Variants in GRIK1 observed in about 807,000 individuals in gnomAD.
GRIK1 encodes the protein glutamate ionotropic receptor kainate type subunit 1.
In GRIK1, 69 loss-of-function variants were observed where a neutral mutation model predicts 105.7. The observed-to-expected ratio is 0.65, with a 90% CI of 0.54 to 0.80. The LOEUF (loss-of-function observed/expected upper bound fraction) is 0.80. Among genes scored for constraint, GRIK1 ranks in the 30% least tolerant of loss-of-function variants. The probability of loss-of-function intolerance (pLI) is 0.00; values close to 1 mark genes in which losing one functional copy is unlikely to be tolerated. For synonymous variants in GRIK1, 438 were observed against 431.3 expected, an observed-to-expected ratio of 1.02 and a Z score of -0.19; for missense variants, 1,109 against 1,167.3, an observed-to-expected ratio of 0.95 and a Z score of 0.73.
In GRIK1 at chr21:29,702,234, A is replaced by C. The variant is rs114146814; in HGVS notation, c.119-8171T>G. ...TGGGTGATGAAATTATCTGCACAGC[A>C]ACCCACCATGACACATATTTACCTA... is the stretch of plus-strand genomic sequence containing the variant. On this transcript the variant is annotated intron_variant, in intron 1 of 17. Transcript: ENST00000327783. Among the ~76,000 whole-genome samples the C allele has an allele frequency of 6.5e-3, 986 of 152,326 alleles. 11 individuals are homozygous for C. The highest frequency in any genetic ancestry group is 0.023 in the African/African-American group (940 of 41,566).
At chr21:29,712,127 T>C (rs1028352224) in intron 1 of GRIK1, among the ~76,000 whole-genome samples, 109 of 70,518 alleles carry the variant, frequency 1.5e-3, no homozygotes, top group Middle Eastern at 8.3e-3. Context: ...CACACACATA[T>C]ATATAGGTCC....
At chr21:29,599,756 C>T (rs1362743246) in intron 7 of GRIK1, among the ~76,000 whole-genome samples, 1 of 152,180 alleles carries the variant, frequency 6.6e-6, no homozygotes, top group Non-Finnish European at 1.5e-5. Context: ...TTCCACTGCG[C>T]TCCAGGAGCC....
intron 4 of GRIK1, among the ~76,000 whole-genome samples, chr21:29,656,369 A>AAAAAAG: frequency 1.0e-5 from 1 of 97,442 alleles, no homozygotes; most frequent in African/African-American, 5.2e-5. Flanking sequence ...AAAAAAAAAA[A>AAAAAAG]AAAAAAAAAA....
intron 7 of GRIK1, among the ~76,000 whole-genome samples, chr21:29,638,136 T>TG (rs1327317977): frequency 6.6e-6 from 1 of 151,760 alleles, no homozygotes; most frequent in East Asian, 1.9e-4. Flanking sequence ...TCCTGACCAC[T>TG]ACCTTACATG....
intron 1 of GRIK1, among the ~76,000 whole-genome samples, chr21:29,712,081 C>CATAT (rs201419231): frequency 3.4e-4 from 40 of 116,922 alleles, no homozygotes; most frequent in African/African-American, 1.4e-3. Flanking sequence ...TGTATACATA[C>CATAT]ATACACACAC....
At chr21:29,937,795 A>ATT (rs1014737029) in intron 1 of GRIK1, among the ~76,000 whole-genome samples, 1 of 63,188 alleles carries the variant, frequency 1.6e-5, no homozygotes, top group Non-Finnish European at 4.2e-5. Context: ...ATTGTTCAGA[A>ATT]TATTTTTTTT....
At position 29,560,400 on chromosome 21, in the gene GRIK1, C is replaced by CTTTCTTT. The variant is rs1601112863; in HGVS notation, c.2356+1223_2356+1224insAAAGAAA. Among the ~76,000 whole-genome samples, 101 of 67,114 alleles carry CTTTCTTT rather than the reference C, an allele frequency of 1.5e-3. 16 individuals carry two copies. The highest frequency in any genetic ancestry group is 6.9e-3 in the East Asian group (16 of 2,328). The allele number at this position is 67,114 out of a possible 152,430, so 44.0% of individuals were successfully genotyped here. A position where few individuals can be genotyped will look rare whatever the true frequency, so the allele number is the denominator to read the frequency against. On this transcript the variant is annotated intron_variant, in intron 15 of 17. Transcript: ENST00000327783. ...TCCTTCCTTCCTTCCTTCCTTCCTT[C>CTTTCTTT]CTTTCTTTCTTTCTTTCTTTCTTTC... is the stretch of plus-strand genomic sequence containing the variant.
chr21:29,604,191 G>C (rs1207602364), intron 7 of GRIK1, among the ~76,000 whole-genome samples: 1 of 152,174 alleles, frequency 6.6e-6, no homozygotes, highest in Non-Finnish European at 1.5e-5. Context: ...CACGGCTGCA[G>C]AGTAATTCCC....
intron 1 of GRIK1, among the ~76,000 whole-genome samples, chr21:29,799,297 C>A (rs1185739030): frequency 2.6e-5 from 4 of 152,126 alleles, no homozygotes; most frequent in Non-Finnish European, 5.9e-5. Flanking sequence ...GGACACTTAC[C>A]ATATGTAAAA....
At chr21:29,872,481 C>G (rs1430775209) in intron 1 of GRIK1, among the ~76,000 whole-genome samples, 2 of 152,286 alleles carry the variant, frequency 1.3e-5, no homozygotes, top group Non-Finnish European at 2.9e-5. Flanking sequence ...GCAAATTATA[C>G]AGCATCTCTT....
chr21:29,887,419 A>G (rs1016723841), intron 1 of GRIK1, among the ~76,000 whole-genome samples: 1 of 152,050 alleles, frequency 6.6e-6, no homozygotes, highest in African/African-American at 2.4e-5. Context: ...CTTCTGAGGG[A>G]CTCATCACAG....
chr21:29,732,298 T>C lies in GRIK1; in HGVS notation c.119-38235A>G, dbSNP rs548665310. On this transcript the variant is annotated intron_variant, in intron 1 of 17. Coordinates refer to ENST00000327783, the MANE Select transcript of GRIK1 (RefSeq NM_001330994.2). The stretch of plus-strand genomic sequence containing the variant: ...CAAAACCCATCAGCACCTTCAAACA[T>C]AGGGGCTGAAGGCAACACTATTTTT... Among the ~76,000 whole-genome samples, 8 of 152,246 alleles carry C rather than the reference T, an allele frequency of 5.3e-5. No individual in the cohort carries two copies. The South Asian group carries it at 1.5e-3, about 28-fold the overall frequency.
intron 1 of GRIK1, among the ~76,000 whole-genome samples, chr21:29,862,824 C>T (rs1215702969): frequency 2.0e-5 from 3 of 152,172 alleles, no homozygotes; most frequent in Non-Finnish European, 4.4e-5. Flanking sequence ...ATTTATGTTA[C>T]CACTATCCAG....
Position 29,898,675 on chromosome 21 carries a change from T to C in GRIK1, c.118+40708A>G, listed in dbSNP as rs1477378983. On this transcript the variant is annotated intron_variant, in intron 1 of 17. Transcript: ENST00000327783. ...TTCTTAACAAAAAGACAATTAATAG[T>C]TCTTTAATATAGTGTGCTTTTTAGT... Among the ~76,000 whole-genome samples the C allele has an allele frequency of 3.9e-5, 6 of 152,220 alleles. No homozygotes were observed. In the East Asian group the frequency reaches 1.2e-3, roughly 29 times the overall value.
intron 7 of GRIK1, among the ~76,000 whole-genome samples, chr21:29,640,927 T>TTTG (rs143408617): frequency 1.2e-4 from 18 of 152,194 alleles, no homozygotes; most frequent in East Asian, 3.9e-4. Flanking sequence ...TTGTGATGTC[T>TTTG]TTGTTGTTGT....
intron 6 of GRIK1, among the ~76,000 whole-genome samples, chr21:29,649,700 CTT>C (rs1184509770): frequency 6.6e-6 from 1 of 152,160 alleles, no homozygotes; most frequent in Non-Finnish European, 1.5e-5. Flanking sequence ...AACACACAGA[CTT>C]TTTTTCTTTG....
chr21:29,935,142 CTA>C (rs1210240674), intron 1 of GRIK1, among the ~76,000 whole-genome samples: 1 of 152,208 alleles, frequency 6.6e-6, no homozygotes, highest in Non-Finnish European at 1.5e-5. Flanking sequence ...TCTCCACACT[CTA>C]TGCACTTGGA....
intron 1 of GRIK1, among the ~76,000 whole-genome samples, chr21:29,894,619 A>G (rs1198132639): frequency 6.6e-6 from 1 of 152,164 alleles, no homozygotes; most frequent in African/African-American, 2.4e-5. Flanking sequence ...CATGCCCAGA[A>G]ACAATACTTT....
At chr21:29,744,067 C>A (rs1216744853) in intron 1 of GRIK1, among the ~76,000 whole-genome samples, 1 of 152,132 alleles carries the variant, frequency 6.6e-6, no homozygotes, top group Non-Finnish European at 1.5e-5. Flanking sequence ...CACTTGTACC[C>A]CTGAACTTAA....
Sources: allele counts gnomAD v4.1 joint callset (sites outside exome capture counted in the v4.1 genomes callset), GRCh38; gene constraint gnomAD v4.1.1; transcripts MANE v1.5; gene names NCBI Gene and HGNC (gene_info 2026-07-23, HGNC 2026-07-21).